TTC6: variants seen among roughly 807,000 people sequenced by gnomAD.
TTC6 encodes the protein tetratricopeptide repeat domain 6.
A neutral mutation model predicts 210.4 loss-of-function variants in TTC6; 172 were observed. The observed-to-expected ratio is 0.82, with a 90% CI of 0.72 to 0.93. The LOEUF (loss-of-function observed/expected upper bound fraction) is 0.93. Ranked by LOEUF, TTC6 falls within the 40% of genes least tolerant of loss-of-function variation. TTC6 has a pLI of 0.00. For synonymous variants in TTC6, 804 were observed against 819.6 expected (o/e 0.98, Z 0.32); for missense variants, 2,414 against 2,318.1 (o/e 1.04, Z -0.85).
chr14:37,808,353 T>C (rs947268045), intron 23 of TTC6, among the ~76,000 whole-genome samples: 1 of 152,190 alleles, frequency 6.6e-6, no homozygotes, highest in Non-Finnish European at 1.5e-5. Flanking sequence ...TGTGATATGG[T>C]AGTCAGAGTG....
chr14:37,615,650 C>G (rs535184099), intron 2 of TTC6, among the ~76,000 whole-genome samples: 2 of 152,078 alleles, frequency 1.3e-5, no homozygotes, highest in East Asian at 3.9e-4. Flanking sequence ...TTATTAATCT[C>G]TAGCATATTT....
At chr14:37,787,843 G>A (rs574651890) in intron 15 of TTC6, among the ~76,000 whole-genome samples, 7 of 151,216 alleles carry the variant, frequency 4.6e-5, no homozygotes, top group African/African-American at 1.7e-4. Flanking sequence ...AGCTATAATG[G>A]TTTAGCTATA....
intron 5 of TTC6, among the ~76,000 whole-genome samples, chr14:37,706,306 A>AG (rs995801949): frequency 1.3e-5 from 2 of 152,070 alleles, no homozygotes; most frequent in Non-Finnish European, 2.9e-5. Context: ...CCCTGGCCTT[A>AG]GGGACCACTC....
At chr14:37,680,820 GTCAGT>G (rs2095781839) in intron 2 of TTC6, among the ~76,000 whole-genome samples, 1 of 152,106 alleles carries the variant, frequency 6.6e-6, no homozygotes, top group African/African-American at 2.4e-5. Flanking sequence ...TAGCCTGATG[GTCAGT>G]TCCTCTACAA....
At chr14:37,746,178 C>T (rs983717375) in intron 10 of TTC6, among the ~76,000 whole-genome samples, 1 of 152,056 alleles carries the variant, frequency 6.6e-6, no homozygotes, top group Non-Finnish European at 1.5e-5. Flanking sequence ...TTCTATTATT[C>T]CCATTGGAAT....
At chr14:37,638,285 T>G (rs988020177) in intron 1 of TTC6, among the ~76,000 whole-genome samples, 4 of 152,206 alleles carry the variant, frequency 2.6e-5, no homozygotes, top group African/African-American at 9.6e-5. Flanking sequence ...GATGGATTCT[T>G]GCTCTGCCGC....
rs563700243 is a variant in TTC6, at chr14:37,679,582, T to G, written c.940-569T>G. Among the ~76,000 whole-genome samples the G allele has an allele frequency of 4.6e-5, 7 of 152,296 alleles. No homozygotes were observed. In the South Asian group the frequency reaches 1.4e-3, roughly 32 times the overall value. On this transcript the variant is annotated intron_variant, in intron 1 of 30. Transcript: ENST00000553443. ...ACAATCTGACTTAATAGCATTGTTT[T>G]ATAGCATCTGACTTAATATTACCTA...
At chr14:37,839,272 A>C (rs576242065) in intron 29 of TTC6, among the ~76,000 whole-genome samples, 1 of 152,340 alleles carries the variant, frequency 6.6e-6, no homozygotes, top group Non-Finnish European at 1.5e-5. Context: ...ACAGTGTAAA[A>C]GCATTCCTGT....
intron 14 of TTC6, among the ~76,000 whole-genome samples, chr14:37,782,839 G>C (rs1392690044): frequency 6.6e-6 from 1 of 152,110 alleles, no homozygotes; most frequent in Non-Finnish European, 1.5e-5. Context: ...TAGCATGAAG[G>C]GCTGTTGAAT....
intron 3 of TTC6, among the ~76,000 whole-genome samples, chr14:37,691,802 TAAGAA>T (rs1354065761): frequency 6.6e-6 from 1 of 151,972 alleles, no homozygotes; most frequent in Non-Finnish European, 1.5e-5. Flanking sequence ...TTAGCCAGAC[TAAGAA>T]AAGAAGACAG....
At chr14:37,836,261 T>C (rs1410364627) in intron 29 of TTC6, among the ~76,000 whole-genome samples, 1 of 152,208 alleles carries the variant, frequency 6.6e-6, no homozygotes, top group Admixed American at 6.5e-5. Context: ...TTTACATCTA[T>C]CCTGTCAGTA....
At chr14:37,804,975 GA>G (rs1271100497) in intron 21 of TTC6, among the ~76,000 whole-genome samples, 161 bp downstream of exon 23, 1 of 152,066 alleles carries the variant, frequency 6.6e-6, no homozygotes, top group Non-Finnish European at 1.5e-5. Flanking sequence ...CAACACCTAG[GA>G]CATTGTTTTA....
intron 2 of TTC6, among the ~76,000 whole-genome samples, chr14:37,682,154 A>G (rs997015667): frequency 4.5e-3 from 17 of 3,738 alleles, no homozygotes; most frequent in Non-Finnish European, 6.1e-3. Flanking sequence ...TCGAACCACT[A>G]ATTTTTTTTT....
rs2096110816 is a variant in TTC6, at chr14:37,803,166, C to G, written c.4030-1514C>G. Reference sequence around the variant, plus strand: ...TTTTTTATATTTGCTTTAATCTCCTCCTCCCAGCCTGTCCTCTGTGACTCT... The same window carrying G: ...TTTTTTATATTTGCTTTAATCTCCTGCTCCCAGCCTGTCCTCTGTGACTCT... On this transcript the variant is annotated intron_variant, in intron 20 of 30. Coordinates refer to ENST00000553443, the Ensembl canonical transcript of TTC6. 3.9e-5 allele frequency among the ~76,000 whole-genome samples: 6 copies of G among 152,212 alleles called. No homozygotes were observed. The South Asian group carries it at 1.2e-3, about 32-fold the overall frequency.
chr14:37,744,216 C>T (rs1196317298), intron 10 of TTC6, among the ~76,000 whole-genome samples: 1 of 152,160 alleles, frequency 6.6e-6, no homozygotes, highest in Non-Finnish European at 1.5e-5. Flanking sequence ...GAGCACTACT[C>T]AGCAGTACTG....
At chr14:37,805,883 G>A (rs1052759632) in intron 21 of TTC6, among the ~76,000 whole-genome samples, 1 of 152,056 alleles carries the variant, frequency 6.6e-6, no homozygotes, top group East Asian at 1.9e-4. Context: ...GTAGTTTTTA[G>A]TAGAGATGGA....
intron 14 of TTC6, among the ~76,000 whole-genome samples, chr14:37,769,608 C>A (rs1029010758): frequency 6.6e-6 from 1 of 152,104 alleles, no homozygotes; most frequent in Non-Finnish European, 1.5e-5. Context: ...TTGTAGTATT[C>A]TCTGATGGTA....
intron 2 of TTC6, among the ~76,000 whole-genome samples, chr14:37,608,285 T>A (rs372505942): frequency 1.3e-5 from 2 of 151,192 alleles, no homozygotes; most frequent in African/African-American, 4.9e-5. Flanking sequence ...ACAAGTTTTT[T>A]TTGTGTGTGT....
At chr14:37,831,615 AT>A (rs61214077) in intron 29 of TTC6, among the ~76,000 whole-genome samples, 123,630 of 150,926 alleles carry the variant, frequency 0.82, 52,952 homozygotes, top group Non-Finnish European at 0.94. Flanking sequence ...TGCAATAGCC[AT>A]TTTTTTTTTC....
Sources: gnomAD v4.1 joint callset for allele counts (sites outside exome capture counted in the v4.1 genomes callset) on GRCh38, gnomAD v4.1.1 for gene constraint, MANE v1.5 for transcripts, NCBI Gene and HGNC (gene_info 2026-07-23, HGNC 2026-07-21) for gene names.